AXIN2: variants seen among roughly 807,000 people sequenced by gnomAD.
AXIN2 encodes axin 2, also known as axin-2.
AXIN2 carries 21 observed loss-of-function variants against 74.7 expected under a neutral mutation model. The ratio of observed to expected loss-of-function variants is 0.28; its 90% CI spans 0.20 to 0.40. The LOEUF (loss-of-function observed/expected upper bound fraction) is 0.40. Among genes scored for constraint, AXIN2 ranks in the 10% least tolerant of loss-of-function variants. The pLI is 1.00. For missense variants in AXIN2, 1,144 were observed against 1,111.1 expected, an observed-to-expected ratio of 1.03 and a Z score of -0.42; for synonymous variants, 532 against 454.9, an observed-to-expected ratio of 1.17 and a Z score of -2.16.
intron 3 of AXIN2, among the ~76,000 whole-genome samples, chr17:65,548,905 C>A (rs1009534468): frequency 6.6e-6 from 1 of 152,206 alleles, no homozygotes; most frequent in Non-Finnish European, 1.5e-5. Context: ...TTGGAGAGAG[C>A]CCCTACTTAG....
rs2043911592 is a variant in AXIN2, at chr17:65,536,231, G to A, written c.2141+89C>T. 1.0e-5 allele frequency: 14 copies of A among 1,358,962 alleles called. 1 individual carries two copies. In the East Asian group the frequency reaches 3.0e-4, roughly 29 times the overall value. The allele number at this position is 1,358,962 out of a possible 1,614,324, so 84.2% of individuals were successfully genotyped here. A position where few individuals can be genotyped will look rare whatever the true frequency, so the allele number is the denominator to read the frequency against. ...CATGGGAGGGTTTGAGACCCAGGCA[G>A]AAAGAGAGGCCCTCCCCATTAGCCA... On this transcript the variant is annotated intron_variant, in intron 8 of 10. Coordinates refer to ENST00000307078, the MANE Select transcript of AXIN2 (RefSeq NM_004655.4).
intron 4 of AXIN2, among the ~76,000 whole-genome samples, chr17:65,539,024 G>C (rs1321960957): frequency 6.6e-6 from 1 of 152,186 alleles, no homozygotes; most frequent in Non-Finnish European, 1.5e-5. Flanking sequence ...ACACTGCTGA[G>C]CTTGGCTGCC....
rs755206242 is a variant in AXIN2, at chr17:65,557,882, C to T, written c.739G>A (p.Val247Met). ...AGAGTTTTGCTGGACAAGCCAACCA[C>T]GGTTGGCGAAAGTTTGCACTTGAAG... ...ADFKCKLSPTVVGLSSKTLRA... is the reference protein window; with the variant it reads ...ADFKCKLSPTMVGLSSKTLRA... The change falls in exon 2 of 11, where the codon GTG becomes ATG. Residue 247 changes from valine (V) to methionine (M), a missense_variant. Physicochemically the swap from Val to Met is conservative, Grantham distance 21 (BLOSUM62 1). This residue lies in a region of AXIN2 where 1,053 missense variants were observed against 973.5 expected (regional missense o/e 1.08). Transcript: ENST00000307078. The T allele has an allele frequency of 8.1e-6, 13 of 1,614,058 alleles. No homozygotes were observed. Among genetic ancestry groups the T allele is most frequent in the African/African-American group, 5.3e-5 (4 of 74,910 alleles).
intron 3 of AXIN2, among the ~76,000 whole-genome samples, chr17:65,545,641 T>TGA (rs1290928194): frequency 6.6e-6 from 1 of 151,832 alleles, no homozygotes; most frequent in African/African-American, 2.4e-5. Flanking sequence ...GGCAACAGAG[T>TGA]GAGACTCTGT....
chr17:65,552,288 G>A (rs1053490749), intron 2 of AXIN2, among the ~76,000 whole-genome samples: 2 of 152,206 alleles, frequency 1.3e-5, no homozygotes, highest in African/African-American at 4.8e-5. Flanking sequence ...AAAAGTTAGA[G>A]AGAAAAAAAT....
At chr17:65,560,697 C>G (rs1316551525) in intron 1 of AXIN2, 2 of 151,834 alleles carry the variant, frequency 1.3e-5, no homozygotes, top group African/African-American at 4.8e-5. Flanking sequence ...ACGCTGGGCG[C>G]CGGGTCCGCC....
intron 2 of AXIN2, among the ~76,000 whole-genome samples, chr17:65,554,770 G>A (rs1175010104): frequency 3.3e-5 from 5 of 152,176 alleles, no homozygotes; most frequent in Admixed American, 3.3e-4. Context: ...GCCCCACCTT[G>A]GGCAGGACAC....
rs1460236827 is a variant in AXIN2 at position 65,536,902 on chromosome 17, T to G, written c.1874A>C (p.Glu625Ala). ...RSQDVWQWML[E>A]SERQSKPKPH... ...CTTGGGCTTGCTCTGCCGCTCACTC[T>G]CCAGCATCCACTGCCAGACATCCTG... The change falls in exon 7 of 11, where the codon GAG (glutamate) becomes GCG (alanine). Residue 625 changes from glutamate (E) to alanine (A), a missense_variant. Physicochemically the swap from Glu to Ala is moderately radical, Grantham distance 107. Transcript: ENST00000307078. 6.2e-7 allele frequency: 1 copy of G among 1,613,570 alleles called. No individual in the cohort carries two copies. Among genetic ancestry groups the G allele is most frequent in the Non-Finnish European group, 8.5e-7 (1 of 1,179,996 alleles).
rs537925983 is a variant in AXIN2 at position 65,529,073 on chromosome 17, G to C, written c.*903C>G. Reference sequence around the variant, plus strand: ...GAATGGCTGTGGTCCAATGACTAATGTAAAACAAAAACAGAAACAAAAAAA... The same window carrying C: ...GAATGGCTGTGGTCCAATGACTAATCTAAAACAAAAACAGAAACAAAAAAA... On this transcript the variant is annotated 3_prime_UTR_variant, in exon 11 of 11. Transcript: ENST00000307078. 1.7e-4 allele frequency: 40 copies of C among 234,718 alleles called. No individual in the cohort carries two copies. The highest frequency in any genetic ancestry group is 8.4e-4 in the African/African-American group (38 of 45,406). 14.5% of individuals were successfully genotyped at this position (234,718 alleles called of 1,614,324 possible). A position where few individuals can be genotyped will look rare whatever the true frequency, so the allele number is the denominator to read the frequency against.
In AXIN2 at chr17:65,536,996, C is replaced by T. The variant is rs876660965; in HGVS notation, c.1780G>A (p.Ala594Thr). Residue 594 changes from alanine to threonine, a missense_variant, in exon 7 of 11, where the codon GCC becomes ACC. Ala to Thr is a moderately conservative substitution (Grantham distance 58). This residue lies in a region of AXIN2 where 1,053 missense variants were observed against 973.5 expected (regional missense o/e 1.08). Transcript: ENST00000307078. Reference protein sequence around the residue: ...KGTEPGLALPAREGGAPGGAG... With the variant: ...KGTEPGLALPTREGGAPGGAG... ...CCGCCGGGGGCCCCTCCTTCCCTGG[C>T]GGGCAGGGCCAGGCCCGGCTCCGTG... 1.4e-5 allele frequency: 23 copies of T among 1,612,228 alleles called. No individual in the cohort carries two copies. Among genetic ancestry groups the T allele is most frequent in the South Asian group, 6.6e-5 (6 of 91,050 alleles).
chr17:65,552,340 C>A (rs2044205574), intron 2 of AXIN2, among the ~76,000 whole-genome samples: 1 of 152,188 alleles, frequency 6.6e-6, no homozygotes, highest in South Asian at 2.1e-4. Flanking sequence ...TAGGTGGGGA[C>A]AGGCTGTGAA....
intron 6 of AXIN2, 101 bp downstream of exon 6, chr17:65,537,223 G>A: frequency 6.3e-7 from 1 of 1,581,298 alleles, no homozygotes; most frequent in Non-Finnish European, 8.6e-7. Context: ...CGCCCTCTTA[G>A]AAACTAAATG....
At chr17:65,555,166 G>A (rs1168595092) in intron 2 of AXIN2, among the ~76,000 whole-genome samples, 1 of 152,176 alleles carries the variant, frequency 6.6e-6, no homozygotes, top group East Asian at 1.9e-4. Flanking sequence ...TAAACACAGG[G>A]CTTGCAAGCC....
intron 2 of AXIN2, among the ~76,000 whole-genome samples, chr17:65,554,731 G>C (rs983752325): frequency 3.9e-5 from 6 of 152,206 alleles, no homozygotes; most frequent in Admixed American, 2.6e-4. Context: ...AGGGAGGCCA[G>C]AGCAGAGGGC....
chr17:65,534,285 C>T (rs2043872817), intron 9 of AXIN2, among the ~76,000 whole-genome samples: 1 of 152,264 alleles, frequency 6.6e-6, no homozygotes, highest in African/African-American at 2.4e-5. Context: ...CCCACATGTG[C>T]TGCATGCAGC....
At chr17:65,531,515 A>G (rs943479901) in intron 10 of AXIN2, among the ~76,000 whole-genome samples, 1 of 152,064 alleles carries the variant, frequency 6.6e-6, no homozygotes, top group African/African-American at 2.4e-5. Flanking sequence ...ACTTCTCCAC[A>G]TAAGAGGCTC....
intron 10 of AXIN2, among the ~76,000 whole-genome samples, chr17:65,532,427 C>T (rs1246315399): frequency 6.6e-6 from 1 of 152,202 alleles, no homozygotes; most frequent in Non-Finnish European, 1.5e-5. Context: ...ATAAAAGCAG[C>T]AGCAGCAGCA....
At chr17:65,556,856 G>T (rs1272662113) in intron 2 of AXIN2, among the ~76,000 whole-genome samples, 1 of 152,192 alleles carries the variant, frequency 6.6e-6, no homozygotes, top group Non-Finnish European at 1.5e-5. Flanking sequence ...GTCAAGTGCA[G>T]CCCCATCCCC....
At position 65,536,436 on chromosome 17, in the gene AXIN2, ACGGGGGGTGGTG is replaced by A. The variant is rs151279728; in HGVS notation, c.2013_2024del (p.Thr672_Arg675del). ...CAGGGTCCTGGGTGAACAGGTGGGC[ACGGGGGGTGGTG>A]CGGGGGTGCCCGCTGTTGCCCCCCC... On this transcript the variant is annotated inframe_deletion, in exon 8 of 11. Coordinates refer to ENST00000307078, the MANE Select transcript of AXIN2 (RefSeq NM_004655.4). 6,349 of 1,613,670 alleles carry A rather than the reference ACGGGGGGTGGTG, an allele frequency of 3.9e-3. 229 individuals carry two copies. In the African/African-American group the frequency reaches 0.073, roughly 19 times the overall value.
Sources: gnomAD v4.1 joint callset for allele counts (sites outside exome capture counted in the v4.1 genomes callset) on GRCh38, gnomAD v4.1.1 for gene constraint, gnomAD v4.1.1 regional missense constraint, MANE v1.5 for transcripts, NCBI Gene and HGNC (gene_info 2026-07-23, HGNC 2026-07-21) for gene names.